Variants in ODC1 observed in about 807,000 individuals in gnomAD.
ODC1 encodes ornithine decarboxylase.
A neutral mutation model predicts 41.5 loss-of-function variants in ODC1; 18 were observed. The observed-to-expected ratio is 0.43, with a 90% CI of 0.30 to 0.64. The LOEUF (loss-of-function observed/expected upper bound fraction) is 0.64. Among genes scored for constraint, ODC1 ranks in the 30% least tolerant of loss-of-function variants. The probability of loss-of-function intolerance (pLI) is 0.11; values close to 1 mark genes in which losing one functional copy is unlikely to be tolerated. For synonymous variants in ODC1, 218 were observed against 211.6 expected, an observed-to-expected ratio of 1.03 and a Z score of -0.26; for missense variants, 504 against 589.0, an observed-to-expected ratio of 0.86 and a Z score of 1.49.
In ODC1 at chr2:10,440,808, GGCATCC is replaced by G. The variant is rs1671795884; in HGVS notation, c.1296_1301del (p.Gln432_Ala434delinsHis). ...AGGCACAAGACACAGGCAGGGTGCT[GGCATCC>G]TGTTCCTCTACTTCGGGTGGGAAGT... On this transcript the variant is annotated inframe_deletion, in exon 12 of 12. Transcript: ENST00000234111. The G allele has an allele frequency of 6.2e-7, 1 of 1,613,906 alleles. No homozygotes were observed. The highest frequency in any genetic ancestry group is 8.5e-7 in the Non-Finnish European group (1 of 1,179,982).
rs376744105 is a variant in ODC1, at chr2:10,444,430, G to T, written c.276+44C>A. The stretch of plus-strand genomic sequence containing the variant: ...GTATCTGCCTCGTGGGGAATACCAG[G>T]CCCATTTTATACAACGCTTTTGAGG... On this transcript the variant is annotated intron_variant, in intron 4 of 11. Transcript: ENST00000234111. 1.9e-6 allele frequency: 3 copies of T among 1,556,320 alleles called. No individual in the cohort carries two copies. In the African/African-American group the frequency reaches 4.1e-5, roughly 21 times the overall value.
Position 10,445,130 on chromosome 2 carries a change from A to G in ODC1, c.-18+25T>C, listed in dbSNP as rs6753098. 3.7e-3 allele frequency: 2,669 copies of G among 718,424 alleles called. 46 individuals are homozygous for G. The African/African-American group carries it at 0.039, about 10-fold the overall frequency. 44.5% of individuals were successfully genotyped at this position (718,424 alleles called of 1,614,324 possible). On this transcript the variant is annotated intron_variant, in intron 2 of 11. Coordinates refer to ENST00000234111, the MANE Select transcript of ODC1 (RefSeq NM_002539.3). Reference sequence around the variant, plus strand: ...ATACAATTCTTAAGATTAACCTGCAACATAAATGTAAACTGAATACTTACA... The same window carrying G: ...ATACAATTCTTAAGATTAACCTGCAGCATAAATGTAAACTGAATACTTACA...
chr2:10,442,552 T>A (rs536344911), intron 8 of ODC1, among the ~76,000 whole-genome samples: 6 of 152,160 alleles, frequency 3.9e-5, no homozygotes, highest in Non-Finnish European at 8.8e-5. Context: ...ACCATGTGGA[T>A]ATATTTTATA....
intron 1 of ODC1, chr2:10,447,737 G>GA (rs2148074003): frequency 6.6e-6 from 1 of 152,020 alleles, no homozygotes; most frequent in Admixed American, 6.5e-5. Context: ...GTACCAAGGC[G>GA]AGCCCGGGCT....
In ODC1 at chr2:10,441,580, A is replaced by G. The variant is rs548916067; in HGVS notation, c.1170T>C (p.Thr390=). ...CATTGAACGTAGAGGCAGCAGCAAC[A>G]GTGTAAGCGCCCATGTTTTCAAAGA... The part of the protein sequence containing the change: ...WMLFENMGAY[T]VAAASTFNGF... The change falls in exon 11 of 12, where the codon ACT becomes ACC. Residue 390 remains threonine, a synonymous_variant. Coordinates refer to ENST00000234111, the MANE Select transcript of ODC1 (RefSeq NM_002539.3). 12 of 1,614,094 alleles carry G rather than the reference A, an allele frequency of 7.4e-6. No individual in the cohort carries two copies. The highest frequency in any genetic ancestry group is 1.0e-5 in the Non-Finnish European group (12 of 1,180,046).
intron 1 of ODC1, among the ~76,000 whole-genome samples, chr2:10,447,258 A>G (rs1272125863): frequency 1.3e-5 from 2 of 152,250 alleles, no homozygotes; most frequent in Non-Finnish European, 2.9e-5. Context: ...TCAATCAATT[A>G]GCACAAGAGG....
rs559438323 is a variant in ODC1, at chr2:10,444,501, G to A, written c.249C>T (p.Thr83=). 37 of 1,613,000 alleles carry A rather than the reference G, an allele frequency of 2.3e-5. No homozygotes were observed. Among genetic ancestry groups the A allele is most frequent in the Non-Finnish European group, 2.7e-5 (32 of 1,179,764 alleles). Residue 83 remains threonine, a synonymous_variant, in exon 4 of 12, where the codon ACC becomes ACT. Transcript: ENST00000234111. The part of the protein sequence containing the change: ...SKAIVKTLAA[T]GTGFDCASKT... ...TGCTAGCACAGTCAAATCCTGTCCCGGTAGCAGCAAGGGTCTTCACGATGG... is the reference window on the plus strand; with the variant it reads ...TGCTAGCACAGTCAAATCCTGTCCCAGTAGCAGCAAGGGTCTTCACGATGG...
At chr2:10,446,499 A>C (rs949605988) in intron 1 of ODC1, among the ~76,000 whole-genome samples, 1 of 152,222 alleles carries the variant, frequency 6.6e-6, no homozygotes, top group Admixed American at 6.5e-5. Flanking sequence ...GGGAATGCCA[A>C]CTGTCCTTAC....
chr2:10,441,855 G>A lies in ODC1; in HGVS notation c.988C>T (p.Leu330Phe). ...DGVYGSFNCILYDHAHVKPLL... is the reference protein window; with the variant it reads ...DGVYGSFNCIFYDHAHVKPLL... ...GGCTTTACATGTGCGTGGTCATAGA[G>A]TATGCAATTAAATGATCCATAGACG... is the stretch of plus-strand genomic sequence containing the variant. The change falls in exon 10 of 12, where the codon CTC becomes TTC. Residue 330 changes from leucine (L) to phenylalanine (F), a missense_variant. Leu to Phe is a conservative substitution (Grantham distance 22, BLOSUM62 0). This residue lies in a region of ODC1 where 447 missense variants were observed against 524.4 expected (regional missense o/e 0.85). Transcript: ENST00000234111. 1 of 1,614,118 alleles carries A rather than the reference G, an allele frequency of 6.2e-7. No individual in the cohort carries two copies. The highest frequency in any genetic ancestry group is 8.5e-7 in the Non-Finnish European group (1 of 1,180,014).
At position 10,444,143 on chromosome 2, in the gene ODC1, T is replaced by C; in HGVS notation, c.401A>G (p.Asp134Gly). ...AACTTTCATCAACTCAACTTCACTA[T>C]CAAAAGTCATCATCTGGACTCCATT... ...ANNGVQMMTF[D>G]SEVELMKVAR... The change falls in exon 5 of 12, where the codon GAT (aspartate) becomes GGT (glycine). Residue 134 changes from aspartate (D) to glycine (G), a missense_variant. By Grantham distance (94) the Asp-to-Gly change is moderately conservative. Coordinates refer to ENST00000234111, the MANE Select transcript of ODC1 (RefSeq NM_002539.3). The C allele has an allele frequency of 1.2e-6, 2 of 1,609,970 alleles. No homozygotes were observed. Among genetic ancestry groups the C allele is most frequent in the Non-Finnish European group, 1.7e-6 (2 of 1,178,846 alleles).
Position 10,445,017 on chromosome 2 carries a change from T to A in ODC1, c.16A>T (p.Asn6Tyr). The change falls in exon 3 of 12, where the codon AAT (asparagine) becomes TAT (tyrosine). Residue 6 changes from asparagine to tyrosine, a missense_variant. Physicochemically the swap from Asn to Tyr is moderately radical, Grantham distance 143. Coordinates refer to ENST00000234111, the MANE Select transcript of ODC1 (RefSeq NM_002539.3). ...AGGAAGTGGCAGTCAAACTCTTCAT[T>A]ACCAAAGTTGTTCATGATTTCTTGA... Reference protein sequence around the residue: MNNFGNEEFDCHFLDE... With the variant: MNNFGYEEFDCHFLDE... 1 of 1,611,692 alleles carries A rather than the reference T, an allele frequency of 6.2e-7. No individual in the cohort carries two copies. The highest frequency in any genetic ancestry group is 1.1e-5 in the South Asian group (1 of 91,038).
intron 1 of ODC1, 150 bp downstream of exon 1, chr2:10,447,971 G>A (rs944448907): frequency 2.0e-5 from 3 of 152,374 alleles, no homozygotes; most frequent in Non-Finnish European, 4.4e-5. Context: ...GGGAGGAAGC[G>A]GCGCCTCAAG....
rs1470452817 is a variant in ODC1 at position 10,441,928 on chromosome 2, G to A, written c.915C>T (p.Asp305=). 1.1e-5 allele frequency: 17 copies of A among 1,613,836 alleles called. No individual in the cohort carries two copies. Among genetic ancestry groups the A allele is most frequent in the African/African-American group, 4.0e-5 (3 of 75,016 alleles). Residue 305 remains aspartate (D), a splice_region_variant and synonymous_variant, in exon 10 of 12, where the codon GAC becomes GAT. Transcript: ENST00000234111. ...IVLKEQTGSD[D]EDESSEQTFM... is the part of the protein sequence containing the mutation. The stretch of plus-strand genomic sequence containing the variant: ...AGGTCTGCTCACTCGACTCATCTTC[G>A]TCTAGAAAGGCAGATCAACAATCTT...
In ODC1 at chr2:10,443,522, T is replaced by C. The variant is rs772740739; in HGVS notation, c.634A>G (p.Ile212Val). 8 of 1,614,072 alleles carry C rather than the reference T, an allele frequency of 5.0e-6. No individual in the cohort carries two copies. Among genetic ancestry groups the C allele is most frequent in the Non-Finnish European group, 5.1e-6 (6 of 1,179,980 alleles). Residue 212 changes from isoleucine (I) to valine (V), a missense_variant, in exon 7 of 12, where the codon ATC becomes GTC. By Grantham distance (29) the Ile-to-Val change is conservative (BLOSUM62 3). Around this residue, in one of 3 missense-constraint regions of ODC1, gnomAD observed 447 missense variants for 524.4 expected, o/e 0.85. Transcript: ENST00000234111. ...TCAAAAACACAGCGGGCATCAGAGA[T>C]TGCCTGCACGAAGGTCTCAGGATCG... ...CTDPETFVQAISDARCVFDMG... is the reference protein window; with the variant it reads ...CTDPETFVQAVSDARCVFDMG...
chr2:10,442,717 CTTT>C (rs200858806), intron 8 of ODC1, among the ~76,000 whole-genome samples: 1 of 145,832 alleles, frequency 6.9e-6, no homozygotes, highest in African/African-American at 2.5e-5. Context: ...CATGCTTTTT[CTTT>C]TTTTTTTTTG....
At chr2:10,443,460 C>T in intron 7 of ODC1, 30 bp downstream of exon 7, 2 of 1,605,440 alleles carry the variant, frequency 1.2e-6, no homozygotes, top group East Asian at 2.2e-5. Context: ...TTGTGTCCCG[C>T]CCTTCCCTAA....
rs1381439778 is a variant in ODC1 at position 10,444,363 on chromosome 2, A to G, written c.277-96T>C. ...AAGTTGTCATGTACCCCCCCGCCCC[A>G]TTTGCCTTTAGTGAGCATTTATTGC... On this transcript the variant is annotated intron_variant, in intron 4 of 11. Coordinates refer to ENST00000234111, the MANE Select transcript of ODC1 (RefSeq NM_002539.3). 4.0e-6 allele frequency: 6 copies of G among 1,502,934 alleles called. No individual in the cohort carries two copies. In the East Asian group the frequency reaches 9.1e-5, roughly 23 times the overall value. 93.1% of individuals were successfully genotyped at this position (1,502,934 alleles called of 1,614,324 possible).
chr2:10,441,572 G>A lies in ODC1; in HGVS notation c.1178C>T (p.Ala393Val). Reference sequence around the variant, plus strand: ...CTGGAAGCCATTGAACGTAGAGGCAGCAGCAACAGTGTAAGCGCCCATGTT... The same window carrying A: ...CTGGAAGCCATTGAACGTAGAGGCAACAGCAACAGTGTAAGCGCCCATGTT... Reference protein sequence around the residue: ...FENMGAYTVAAASTFNGFQRP... With the variant: ...FENMGAYTVAVASTFNGFQRP... Residue 393 changes from alanine (A) to valine (V), a missense_variant, in exon 11 of 12, where the codon GCT (alanine) becomes GTT (valine). Around this residue, in one of 3 missense-constraint regions of ODC1, gnomAD observed 447 missense variants for 524.4 expected, o/e 0.85. Transcript: ENST00000234111. 6.2e-7 allele frequency: 1 copy of A among 1,614,194 alleles called. No homozygotes were observed. The highest frequency in any genetic ancestry group is 1.1e-5 in the South Asian group (1 of 91,086).
chr2:10,441,978 G>T, intron 9 of ODC1, 34 bp downstream of exon 9: 1 of 1,613,134 alleles, frequency 6.2e-7, no homozygotes. Context: ...TCAGCTTTCA[G>T]TTATACATGA....
Sources: allele counts gnomAD v4.1 joint callset (sites outside exome capture counted in the v4.1 genomes callset), GRCh38; gene constraint gnomAD v4.1.1; regional missense constraint gnomAD v4.1.1; transcripts MANE v1.5; gene names NCBI Gene and HGNC (gene_info 2026-07-23, HGNC 2026-07-21).